The following STXBP6 variants were observed in gnomAD, a reference collection of about 807,000 sequenced individuals.
The protein encoded by STXBP6 is syntaxin-binding protein 6.
In STXBP6, 21 loss-of-function variants were observed where a neutral mutation model predicts 26.9. The ratio of observed to expected loss-of-function variants is 0.78; its 90% CI spans 0.55 to 1.12. STXBP6 has a LOEUF of 1.12. Among genes scored for constraint, STXBP6 ranks in the 50% most tolerant of loss-of-function variants. The probability of loss-of-function intolerance (pLI) is 0.00; values close to 1 mark genes in which losing one functional copy is unlikely to be tolerated. For missense variants in STXBP6, 232 were observed against 257.9 expected (o/e 0.90, Z 0.69); for synonymous variants, 97 against 92.6 (o/e 1.05, Z -0.27).
chr14:25,032,209 T>C (rs532664339), intron 1 of STXBP6, among the ~76,000 whole-genome samples: 6 of 152,314 alleles, frequency 3.9e-5, no homozygotes, highest in African/African-American at 1.4e-4. Context: ...GAGAAAGCAC[T>C]GCAGCAGTAC....
chr14:24,947,390 C>T (rs375338296), intron 2 of STXBP6, among the ~76,000 whole-genome samples: 15 of 152,080 alleles, frequency 9.9e-5, no homozygotes, highest in African/African-American at 3.4e-4. Context: ...AAAGAGACGG[C>T]GATGGAGAAG....
intron 2 of STXBP6, among the ~76,000 whole-genome samples, chr14:24,902,409 C>T (rs1257477708): frequency 6.6e-6 from 1 of 152,084 alleles, no homozygotes; most frequent in Non-Finnish European, 1.5e-5. Context: ...ATATTTGTCC[C>T]CCACCTCGCT....
intron 4 of STXBP6, among the ~76,000 whole-genome samples, chr14:24,847,998 T>G (rs907086197): frequency 8.5e-5 from 13 of 152,152 alleles, no homozygotes; most frequent in Non-Finnish European, 1.8e-4. Flanking sequence ...TCATTCTCAC[T>G]TGGAACAAAG....
intron 4 of STXBP6, among the ~76,000 whole-genome samples, chr14:24,846,326 T>C (rs2068960332): frequency 6.6e-6 from 1 of 152,202 alleles, no homozygotes; most frequent in African/African-American, 2.4e-5. Flanking sequence ...ACACTAATTT[T>C]CTAAGTTCTC....
intron 2 of STXBP6, among the ~76,000 whole-genome samples, chr14:24,961,989 G>A (rs2073556507): frequency 6.6e-6 from 1 of 152,126 alleles, no homozygotes; most frequent in African/African-American, 2.4e-5. Context: ...ATTAGAAGAT[G>A]CAGATGTCTG....
chr14:24,871,383 A>G (rs1389791361), intron 2 of STXBP6, among the ~76,000 whole-genome samples: 3 of 152,228 alleles, frequency 2.0e-5, no homozygotes. Context: ...GCACTGAGGA[A>G]GAAAAGATTA....
intron 2 of STXBP6, among the ~76,000 whole-genome samples, chr14:24,913,523 G>A (rs1346036002): frequency 6.6e-6 from 1 of 152,030 alleles, no homozygotes; most frequent in Non-Finnish European, 1.5e-5. Context: ...AACAAAGAAT[G>A]GGTCATATTG....
intron 2 of STXBP6, among the ~76,000 whole-genome samples, chr14:24,947,042 A>G (rs1171592415): frequency 6.6e-6 from 1 of 152,236 alleles, no homozygotes; most frequent in Non-Finnish European, 1.5e-5. Context: ...GAGAAAGTAA[A>G]GGCAGAGTCA....
intron 2 of STXBP6, among the ~76,000 whole-genome samples, chr14:24,891,151 C>T (rs979865498): frequency 1.3e-5 from 2 of 152,130 alleles, no homozygotes; most frequent in Admixed American, 1.3e-4. Context: ...TAACTTTGGA[C>T]AGTATGTTAA....
chr14:24,964,097 G>C (rs2073646132), intron 2 of STXBP6, among the ~76,000 whole-genome samples: 1 of 151,608 alleles, frequency 6.6e-6, no homozygotes, highest in African/African-American at 2.4e-5. Flanking sequence ...TAGAGGCGCA[G>C]CAGGAGTGGG....
chr14:24,844,295 A>G (rs2068874197), intron 4 of STXBP6, among the ~76,000 whole-genome samples: 1 of 152,232 alleles, frequency 6.6e-6, no homozygotes. Context: ...ATCCTTTATA[A>G]TACACCTGTA....
At chr14:24,938,388 T>C (rs1416076739) in intron 2 of STXBP6, among the ~76,000 whole-genome samples, 7 of 152,190 alleles carry the variant, frequency 4.6e-5, no homozygotes, top group African/African-American at 1.7e-4. Context: ...AATTTTATCA[T>C]TATAATACTT....
chr14:24,840,187 G>A (rs1200328149), intron 4 of STXBP6, among the ~76,000 whole-genome samples: 1 of 152,144 alleles, frequency 6.6e-6, no homozygotes, highest in East Asian at 1.9e-4. Flanking sequence ...CACCTCTGCT[G>A]GTTCCTTTGG....
intron 2 of STXBP6, among the ~76,000 whole-genome samples, chr14:24,909,731 T>G (rs17257577): frequency 0.13 from 20,231 of 151,344 alleles, 1,408 homozygotes; most frequent in East Asian, 0.16. Flanking sequence ...GAGAATTTTT[T>G]TTTTTTGACA....
chr14:24,823,175 T>A (rs1594908582), intron 4 of STXBP6, among the ~76,000 whole-genome samples: 1 of 152,110 alleles, frequency 6.6e-6, no homozygotes. Flanking sequence ...TGTGTGCTTT[T>A]AAAAAAATAT....
intron 2 of STXBP6, among the ~76,000 whole-genome samples, chr14:24,974,261 T>C (rs749053350): frequency 3.3e-5 from 5 of 152,234 alleles, no homozygotes; most frequent in Admixed American, 2.6e-4. Context: ...TACTGATTAT[T>C]GGCAACTGTC....
chr14:24,894,145 T>C (rs1181767127), intron 2 of STXBP6, among the ~76,000 whole-genome samples: 1 of 152,110 alleles, frequency 6.6e-6, no homozygotes, highest in Non-Finnish European at 1.5e-5. Flanking sequence ...AATAAAAAAG[T>C]TTTTGCAGAG....
At chr14:24,834,540 G>A (rs1024917050) in intron 4 of STXBP6, among the ~76,000 whole-genome samples, 1 of 152,212 alleles carries the variant, frequency 6.6e-6, no homozygotes, top group African/African-American at 2.4e-5. Context: ...TTTAAGGTAT[G>A]TGACTCTTAA....
chr14:24,893,060 T>C (rs1266936539), intron 2 of STXBP6, among the ~76,000 whole-genome samples: 2 of 152,188 alleles, frequency 1.3e-5, no homozygotes, highest in East Asian at 3.9e-4. Context: ...GCAGGTATGG[T>C]GCACACAACC....
Sources: allele counts gnomAD v4.1 joint callset (sites outside exome capture counted in the v4.1 genomes callset), GRCh38; gene constraint gnomAD v4.1.1; transcripts MANE v1.5; gene names NCBI Gene and HGNC (gene_info 2026-07-23, HGNC 2026-07-21).